Variants in OSBPL6 observed in about 807,000 individuals in gnomAD.
The protein encoded by OSBPL6 is oxysterol-binding protein-related protein 6.
Under a neutral mutation model 125.8 loss-of-function variants are expected in OSBPL6, and 49 were observed. The observed-to-expected ratio is 0.39, with a 90% CI of 0.31 to 0.49. OSBPL6 has a LOEUF of 0.49. Among genes scored for constraint, OSBPL6 ranks in the 20% least tolerant of loss-of-function variants. The pLI is 0.88. For missense variants in OSBPL6, 986 were observed against 1,135.4 expected (o/e 0.87, Z 1.89); for synonymous variants, 394 against 391.8 (o/e 1.01, Z -0.07).
chr2:178,195,037 TG>T, intron 1 of OSBPL6, among the ~76,000 whole-genome samples: 1 of 151,886 alleles, frequency 6.6e-6, no homozygotes, highest in East Asian at 2.0e-4. Flanking sequence ...CCCCGCAGGC[TG>T]CCTGGGGATT....
At chr2:178,206,952 A>G (rs2089566889) in intron 1 of OSBPL6, among the ~76,000 whole-genome samples, 1 of 151,770 alleles carries the variant, frequency 6.6e-6, no homozygotes, top group Admixed American at 6.6e-5. Flanking sequence ...TTTTTAGTAG[A>G]GAATTTAGGT....
At chr2:178,320,397 G>A (rs768927513) in intron 3 of OSBPL6, 14 of 1,613,076 alleles carry the variant, frequency 8.7e-6, no homozygotes, top group South Asian at 4.4e-5. Flanking sequence ...GGGAAACAGA[G>A]GGCGGGTAAG....
At chr2:178,238,861 A>G (rs551368) in intron 1 of OSBPL6, among the ~76,000 whole-genome samples, 5 of 151,908 alleles carry the variant, frequency 3.3e-5, no homozygotes, top group East Asian at 1.9e-4. Flanking sequence ...ACTTCCCCCC[A>G]ACTCATGTGG....
intron 1 of OSBPL6, among the ~76,000 whole-genome samples, chr2:178,211,415 T>C (rs918006914): frequency 6.6e-6 from 1 of 152,252 alleles, no homozygotes; most frequent in African/African-American, 2.4e-5. Flanking sequence ...CCTTGTGTCC[T>C]GGGGCCCAAG....
At chr2:178,370,768 C>T (rs890318501) in intron 13 of OSBPL6, among the ~76,000 whole-genome samples, 1 of 152,184 alleles carries the variant, frequency 6.6e-6, no homozygotes, top group African/African-American at 2.4e-5. Flanking sequence ...CCCTCCAGAT[C>T]AAGTATATGA....
intron 12 of OSBPL6, among the ~76,000 whole-genome samples, chr2:178,359,526 A>G (rs1262126126): frequency 2.0e-5 from 3 of 152,046 alleles, no homozygotes. Flanking sequence ...TAGAACTACC[A>G]TATGACCCAG....
intron 23 of OSBPL6, among the ~76,000 whole-genome samples, chr2:178,392,886 ATGGCT>A: frequency 6.7e-6 from 1 of 150,062 alleles, no homozygotes; most frequent in East Asian, 2.0e-4. Flanking sequence ...GCAGACTATT[ATGGCT>A]TGGGGCTTTA....
chr2:178,307,388 G>A (rs187621054), intron 3 of OSBPL6, among the ~76,000 whole-genome samples: 213 of 152,266 alleles, frequency 1.4e-3, no homozygotes, highest in Middle Eastern at 6.8e-3. Flanking sequence ...GGGTGCTAAT[G>A]TATATATCTT....
chr2:178,286,506 A>G (rs1329092521), intron 2 of OSBPL6, among the ~76,000 whole-genome samples: 2 of 152,242 alleles, frequency 1.3e-5, no homozygotes, highest in Admixed American at 6.5e-5. Flanking sequence ...TGAGAAGCTG[A>G]CACTTGCCAG....
intron 1 of OSBPL6, among the ~76,000 whole-genome samples, chr2:178,230,763 A>G (rs1014808219): frequency 4.6e-5 from 7 of 152,126 alleles, no homozygotes; most frequent in Non-Finnish European, 1.0e-4. Context: ...AAGAAATTGG[A>G]TTATGCTTTT....
chr2:178,328,671 A>G (rs923541600), intron 5 of OSBPL6, among the ~76,000 whole-genome samples: 2 of 152,102 alleles, frequency 1.3e-5, no homozygotes, highest in African/African-American at 4.8e-5. Context: ...TATTTTTAGT[A>G]GAGACAGATT....
In OSBPL6 at chr2:178,309,882, G is replaced by A. The variant is rs1034184855; in HGVS notation, c.102+3596G>A. Among the ~76,000 whole-genome samples, 9 of 152,328 alleles carry A rather than the reference G, an allele frequency of 5.9e-5. No homozygotes were observed. The East Asian group carries it at 1.2e-3, about 20-fold the overall frequency. ...ACCAGCATTCCCCAAAGTGTGTGCC[G>A]AGGAATGCTTGCCACTTGAGATGTT... On this transcript the variant is annotated intron_variant, in intron 3 of 24. Transcript: ENST00000190611.
chr2:178,245,546 CTA>C (rs2091457833), intron 1 of OSBPL6, among the ~76,000 whole-genome samples: 1 of 152,116 alleles, frequency 6.6e-6, no homozygotes, highest in African/African-American at 2.4e-5. Flanking sequence ...GTACAAAATA[CTA>C]TGTTAGACCC....
rs544579389 is a variant in OSBPL6 at position 178,310,477 on chromosome 2, G to A, written c.102+4191G>A. On this transcript the variant is annotated intron_variant, in intron 3 of 24. Transcript: ENST00000190611. ...CTGTTGCCCAGACTGGAGTGCAGTG[G>A]CGCGATCTCGGCTCACTGCAAGCTC... Among the ~76,000 whole-genome samples, 112 of 145,842 alleles carry A rather than the reference G, an allele frequency of 7.7e-4. 2 individuals are homozygous for A. Among genetic ancestry groups the A allele is most frequent in the Admixed American group, 4.8e-4 (7 of 14,444 alleles).
chr2:178,289,291 C>T (rs1191889401), intron 2 of OSBPL6, among the ~76,000 whole-genome samples: 1 of 152,176 alleles, frequency 6.6e-6, no homozygotes, highest in East Asian at 1.9e-4. Context: ...GCTGGGATTA[C>T]AGGCGTGAGC....
intron 1 of OSBPL6, among the ~76,000 whole-genome samples, chr2:178,208,073 T>C (rs2089632598): frequency 6.6e-6 from 1 of 151,828 alleles, no homozygotes; most frequent in African/African-American, 2.4e-5. Flanking sequence ...TCACCTGAGG[T>C]CAGGAGTTCG....
chr2:178,370,993 A>G (rs1379528683), intron 13 of OSBPL6, among the ~76,000 whole-genome samples: 2 of 152,194 alleles, frequency 1.3e-5, no homozygotes, highest in Non-Finnish European at 2.9e-5. Context: ...GGGTGTTTTA[A>G]TAGGTACAGA....
At chr2:178,349,632 A>G (rs1211952263) in intron 12 of OSBPL6, among the ~76,000 whole-genome samples, 1 of 152,136 alleles carries the variant, frequency 6.6e-6, no homozygotes, top group East Asian at 1.9e-4. Context: ...ATAAAAAGTT[A>G]TTGTACGCAA....
chr2:178,202,185 A>G (rs2089293565), intron 1 of OSBPL6, among the ~76,000 whole-genome samples: 2 of 152,248 alleles, frequency 1.3e-5, no homozygotes, highest in African/African-American at 2.4e-5. Flanking sequence ...ATGATAATTT[A>G]CAAAATCATA....
Sources: allele counts gnomAD v4.1 joint callset (sites outside exome capture counted in the v4.1 genomes callset), GRCh38; gene constraint gnomAD v4.1.1; transcripts MANE v1.5; gene names NCBI Gene and HGNC (gene_info 2026-07-23, HGNC 2026-07-21).